Variants in C5orf22 observed in about 807,000 individuals in gnomAD.
C5orf22 encodes UPF0489 protein C5orf22.
Under a neutral mutation model 48.7 loss-of-function variants are expected in C5orf22, and 36 were observed. The ratio of observed to expected loss-of-function variants is 0.74; its 90% CI spans 0.57 to 0.98. The LOEUF (loss-of-function observed/expected upper bound fraction) is 0.98. Among genes scored for constraint, C5orf22 ranks in the 50% least tolerant of loss-of-function variants. The pLI, the probability that C5orf22 is intolerant of heterozygous loss-of-function variation, is 0.00. For synonymous variants in C5orf22, 141 were observed against 180.8 expected (o/e 0.78, Z 1.76); for missense variants, 486 against 521.9 (o/e 0.93, Z 0.67).
At chr5:31,533,141 G>A (rs75412144) in intron 1 of C5orf22, among the ~76,000 whole-genome samples, 1 of 152,004 alleles carries the variant, frequency 6.6e-6, no homozygotes, top group Non-Finnish European at 1.5e-5. Context: ...TTTTAGTAGA[G>A]ACGGGGCTTC....
intron 3 of C5orf22, among the ~76,000 whole-genome samples, chr5:31,537,452 A>G (rs1742167294): frequency 6.6e-6 from 1 of 152,216 alleles, no homozygotes; most frequent in African/African-American, 2.4e-5. Context: ...TAGTTTTACT[A>G]TGTCATTAAT....
chr5:31,542,735 A>G (rs1742551159), intron 6 of C5orf22, among the ~76,000 whole-genome samples: 2 of 152,178 alleles, frequency 1.3e-5, no homozygotes, highest in Admixed American at 1.3e-4. Flanking sequence ...AAATCATGTA[A>G]TCTCAAACAG....
At chr5:31,536,384 G>T (rs1297617946) in intron 3 of C5orf22, among the ~76,000 whole-genome samples, 2 of 152,116 alleles carry the variant, frequency 1.3e-5, no homozygotes, top group South Asian at 4.1e-4. Flanking sequence ...TTAGCCGGGC[G>T]TGGTGGCAGG....
intron 7 of C5orf22, among the ~76,000 whole-genome samples, chr5:31,550,727 T>G (rs1743202751): frequency 6.6e-6 from 1 of 152,122 alleles, no homozygotes; most frequent in Non-Finnish European, 1.5e-5. Flanking sequence ...CACGCCCGGC[T>G]AATTTTGTAT....
At chr5:31,535,553 GA>G (rs1742018459) in intron 2 of C5orf22, among the ~76,000 whole-genome samples, 190 bp from the exon 3 acceptor site, 1 of 152,144 alleles carries the variant, frequency 6.6e-6, no homozygotes, top group South Asian at 2.1e-4. Flanking sequence ...GTCAGTAAAT[GA>G]AAACAGGAAA....
chr5:31,538,271 C>G lies in C5orf22; in HGVS notation c.389C>G (p.Thr130Arg). 6.3e-7 allele frequency: 1 copy of G among 1,595,908 alleles called. No homozygotes were observed. Among genetic ancestry groups the G allele is most frequent in the Non-Finnish European group, 8.5e-7 (1 of 1,169,910 alleles). ...TTCCTCTGATTCAGGGTTACAAGTACAGATCATTATTTCCTAAGTGATGGT... is the reference window on the plus strand; with the variant it reads ...TTCCTCTGATTCAGGGTTACAAGTAGAGATCATTATTTCCTAAGTGATGGT... ...TSTTTIRVTS[T>R]DHYFLSDGLY... is the part of the protein sequence containing the mutation. The change falls in exon 4 of 9, where the codon ACA becomes AGA. Residue 130 changes from threonine to arginine, a missense_variant. Physicochemically the swap from Thr to Arg is moderately conservative, Grantham distance 71. Coordinates refer to ENST00000325366, the MANE Select transcript of C5orf22 (RefSeq NM_018356.3).
At chr5:31,541,489 A>G (rs1044369375) in intron 6 of C5orf22, 87 bp downstream of exon 6, 33 of 1,449,336 alleles carry the variant, frequency 2.3e-5, no homozygotes, top group South Asian at 1.8e-4. Flanking sequence ...CATTGCTTTT[A>G]AAAAAGTAGT....
chr5:31,537,367 T>C (rs1742160980), intron 3 of C5orf22, among the ~76,000 whole-genome samples: 1 of 152,232 alleles, frequency 6.6e-6, no homozygotes, highest in Admixed American at 6.5e-5. Flanking sequence ...ACTGCTGTTA[T>C]TAAAAAGAAT....
chr5:31,552,467 A>G (rs568069666), intron 8 of C5orf22, among the ~76,000 whole-genome samples: 6 of 152,264 alleles, frequency 3.9e-5, no homozygotes, highest in Admixed American at 6.5e-5. Flanking sequence ...CAGGCAAACA[A>G]TGGTCTAGCA....
chr5:31,545,675 G>A lies in C5orf22; in HGVS notation c.1022G>A (p.Ser341Asn). ...GAATCACTAGTTCCCCTTGTACAGA[G>A]TTTGAAAAAACGGATGGAAGTACCA... is the stretch of plus-strand genomic sequence containing the variant. ...GMESLVPLVQ[S>N]LKKRMEVPDY... Residue 341 changes from serine (S) to asparagine (N), a missense_variant, in exon 7 of 9, where the codon AGT (serine) becomes AAT (asparagine). Ser to Asn is a conservative substitution (Grantham distance 46). Transcript: ENST00000325366. 2 of 1,610,694 alleles carry A rather than the reference G, an allele frequency of 1.2e-6. No homozygotes were observed. The highest frequency in any genetic ancestry group is 1.7e-6 in the Non-Finnish European group (2 of 1,178,232).
chr5:31,532,845 A>AT (rs1194715552), intron 1 of C5orf22, among the ~76,000 whole-genome samples: 6 of 152,040 alleles, frequency 3.9e-5, no homozygotes, highest in African/African-American at 1.4e-4. Flanking sequence ...TGCTGTTTAG[A>AT]TGGGAGGCTT....
At position 31,538,550 on chromosome 5, in the gene C5orf22, C is replaced by T. The variant is rs767889046; in HGVS notation, c.668C>T (p.Ser223Phe). 1 of 1,614,078 alleles carries T rather than the reference C, an allele frequency of 6.2e-7. No homozygotes were observed. Among genetic ancestry groups the T allele is most frequent in the South Asian group, 1.1e-5 (1 of 91,074 alleles). ...QTCLEPSCSC[S>F]SENQECQTAA... ...TGCCTAGAACCATCATGTTCATGTT[C>T]TTCTGAAAATCAGGAATGCCAGACT... The change falls in exon 4 of 9, where the codon TCT becomes TTT. Residue 223 changes from serine (S) to phenylalanine (F), a missense_variant. By Grantham distance (155) the Ser-to-Phe change is radical. Coordinates refer to ENST00000325366, the MANE Select transcript of C5orf22 (RefSeq NM_018356.3).
At chr5:31,535,666 A>G (rs899372781) in intron 2 of C5orf22, 78 bp from the exon 3 acceptor site, 5 of 1,209,062 alleles carry the variant, frequency 4.1e-6, no homozygotes, top group Admixed American at 2.8e-5. Context: ...CTGTGGTCTT[A>G]AAATGTTGTG....
At chr5:31,544,298 A>G (rs958779649) in intron 6 of C5orf22, among the ~76,000 whole-genome samples, 6 of 152,182 alleles carry the variant, frequency 3.9e-5, no homozygotes, top group South Asian at 2.1e-4. Flanking sequence ...AAAAGCATCA[A>G]TGTGGCCGGG....
At chr5:31,541,155 C>T (rs1413141064) in intron 5 of C5orf22, 126 bp from the exon 6 acceptor site, 16 of 1,019,206 alleles carry the variant, frequency 1.6e-5, no homozygotes, top group South Asian at 6.3e-5. Context: ...TGTGTATTGG[C>T]GAAGCCCATG....
chr5:31,532,361 C>G lies in C5orf22; in HGVS notation c.-32C>G. The G allele has an allele frequency of 6.2e-7, 1 of 1,612,254 alleles. No individual in the cohort carries two copies. The highest frequency in any genetic ancestry group is 1.1e-5 in the South Asian group (1 of 91,024). On this transcript the variant is annotated 5_prime_UTR_variant, in exon 1 of 9. Coordinates refer to ENST00000325366, the MANE Select transcript of C5orf22 (RefSeq NM_018356.3). ...TTCCCGGGTCTTCTCCAGCTGCCAC[C>G]GCTTTACTGCAAAACTGACGGGCGC...
chr5:31,549,066 A>C (rs1179209878), intron 7 of C5orf22, among the ~76,000 whole-genome samples: 1 of 152,142 alleles, frequency 6.6e-6, no homozygotes, highest in African/African-American at 2.4e-5. Context: ...TGAAAAACAC[A>C]AAATTAGCCG....
At position 31,553,146 on chromosome 5, in the gene C5orf22, G is replaced by A. The variant is rs1743390157; in HGVS notation, c.*244G>A. ...ATCTGTCTTCCTTAAGTATTTTTTAGGGTTTTGTTTTTTTTTTTGTTTGTT... is the reference window on the plus strand; with the variant it reads ...ATCTGTCTTCCTTAAGTATTTTTTAAGGTTTTGTTTTTTTTTTTGTTTGTT... On this transcript the variant is annotated 3_prime_UTR_variant, in exon 9 of 9. Transcript: ENST00000325366. 9.9e-6 allele frequency: 3 copies of A among 303,624 alleles called. No individual in the cohort carries two copies. In the South Asian group the frequency reaches 2.1e-4, roughly 22 times the overall value. 18.8% of individuals were successfully genotyped at this position (303,624 alleles called of 1,614,324 possible).
chr5:31,549,655 C>G (rs1743124855), intron 7 of C5orf22, among the ~76,000 whole-genome samples: 1 of 152,066 alleles, frequency 6.6e-6, no homozygotes, highest in Admixed American at 6.6e-5. Flanking sequence ...GCAGGTAAAT[C>G]GCTTGAGCCC....
Sources: allele counts gnomAD v4.1 joint callset (sites outside exome capture counted in the v4.1 genomes callset), GRCh38; gene constraint gnomAD v4.1.1; transcripts MANE v1.5; gene names NCBI Gene and HGNC (gene_info 2026-07-23, HGNC 2026-07-21).